Variants in RAB30 observed in about 807,000 individuals in gnomAD.
RAB30 encodes the protein ras-related protein Rab-30.
In RAB30, 9 loss-of-function variants were observed where a neutral mutation model predicts 25.1. The ratio of observed to expected loss-of-function variants is 0.36; its 90% CI spans 0.22 to 0.63. The LOEUF (loss-of-function observed/expected upper bound fraction) is 0.63. Ranked by LOEUF, RAB30 falls within the 20% of genes least tolerant of loss-of-function variation. The pLI is 0.69. For missense variants in RAB30, 140 were observed against 243.5 expected (o/e 0.58, Z 2.83); for synonymous variants, 77 against 86.4 (o/e 0.89, Z 0.60).
intron 1 of RAB30, among the ~76,000 whole-genome samples, chr11:83,048,466 C>G (rs1858281368): frequency 7.4e-6 from 1 of 135,382 alleles, no homozygotes; most frequent in Non-Finnish European, 1.5e-5. Flanking sequence ...GAGACACTGT[C>G]TCAAAAAAAA....
intron 1 of RAB30, among the ~76,000 whole-genome samples, chr11:83,058,803 A>G (rs1275876184): frequency 1.3e-5 from 2 of 152,260 alleles, no homozygotes; most frequent in African/African-American, 4.8e-5. Context: ...CCTGAGTCTC[A>G]GAGCAGTTAT....
Position 83,054,317 on chromosome 11 carries a change from C to T in RAB30, c.-9+17374G>A, listed in dbSNP as rs1249249963. On this transcript the variant is annotated intron_variant, in intron 1 of 4. Transcript: ENST00000527633. ...TCTCTTTTACGTCTCTTTCTTTAGC[C>T]TACAATCTCCTTATAGTCAAAAACA... Among the ~76,000 whole-genome samples the T allele has an allele frequency of 2.0e-5, 3 of 152,168 alleles. No homozygotes were observed. In the South Asian group the frequency reaches 6.2e-4, roughly 31 times the overall value.
At chr11:83,010,484 A>C (rs7928570) in intron 1 of RAB30, among the ~76,000 whole-genome samples, 41,279 of 152,088 alleles carry the variant, frequency 0.27, 6,041 homozygotes, top group Admixed American at 0.31. Context: ...GAAGGAAATA[A>C]ATTTTTAAAA....
chr11:83,062,803 C>A (rs1858612156), intron 1 of RAB30, among the ~76,000 whole-genome samples: 1 of 151,878 alleles, frequency 6.6e-6, no homozygotes, highest in African/African-American at 2.4e-5. Flanking sequence ...GAGTTTGAGA[C>A]CAGCCTGGCC....
rs1484036503 is a variant in RAB30 at position 83,058,576 on chromosome 11, G to A, written c.-9+13115C>T. ...AGATCAGGTTCTGTATCTTTGGCAG[G>A]AATGCCACACGAGTGATACTGTGAA... On this transcript the variant is annotated intron_variant, in intron 1 of 4. Coordinates refer to ENST00000527633, the MANE Select transcript of RAB30 (RefSeq NM_001286060.2). Among the ~76,000 whole-genome samples the A allele has an allele frequency of 4.6e-5, 7 of 152,334 alleles. No individual in the cohort carries two copies. The East Asian group carries it at 1.3e-3, about 29-fold the overall frequency.
At chr11:83,026,049 G>A (rs1483570718) in intron 1 of RAB30, among the ~76,000 whole-genome samples, 1 of 152,108 alleles carries the variant, frequency 6.6e-6, no homozygotes, top group Non-Finnish European at 1.5e-5. Flanking sequence ...AAATTAGCCA[G>A]ATGTGGTGGT....
At chr11:83,030,659 TG>T (rs1196265478) in intron 1 of RAB30, among the ~76,000 whole-genome samples, 1 of 152,090 alleles carries the variant, frequency 6.6e-6, no homozygotes, top group Non-Finnish European at 1.5e-5. Context: ...TAGCTAGGCA[TG>T]GTGGCACGCA....
chr11:82,982,010 G>A lies in RAB30; in HGVS notation c.*155C>T, dbSNP rs1856646592. On this transcript the variant is annotated 3_prime_UTR_variant, in exon 5 of 5. Transcript: ENST00000527633. ...TATGTTCTGCTAATGCTGGCCTGTG[G>A]TCGAGGCCCTTGGCCTGCCATGCTT... is the stretch of plus-strand genomic sequence containing the variant. 2.0e-6 allele frequency: 2 copies of A among 985,220 alleles called. No homozygotes were observed. The highest frequency in any genetic ancestry group is 3.2e-5 in the South Asian group (2 of 62,810). 61.0% of individuals were successfully genotyped at this position (985,220 alleles called of 1,614,324 possible).
chr11:82,987,908 A>AC (rs1856771059), intron 3 of RAB30, 138 bp from the exon 4 acceptor site: 1 of 151,658 alleles, frequency 6.6e-6, no homozygotes, highest in Non-Finnish European at 1.1e-5. Context: ...TCTGCCCTAA[A>AC]AAAAAAAAAA....
At chr11:83,002,279 A>G (rs1293807349) in intron 1 of RAB30, among the ~76,000 whole-genome samples, 1 of 152,166 alleles carries the variant, frequency 6.6e-6, no homozygotes, top group Non-Finnish European at 1.5e-5. Context: ...CTGACTTCAG[A>G]TTACACAAGC....
intron 1 of RAB30, among the ~76,000 whole-genome samples, chr11:82,999,433 A>C (rs1435403481): frequency 1.3e-5 from 2 of 152,228 alleles, no homozygotes; most frequent in Non-Finnish European, 2.9e-5. Flanking sequence ...CCCCATCAAC[A>C]AAATGGGGCC....
intron 1 of RAB30, among the ~76,000 whole-genome samples, chr11:83,011,594 G>C (rs928692886): frequency 2.0e-5 from 3 of 152,164 alleles, no homozygotes; most frequent in African/African-American, 7.2e-5. Flanking sequence ...GAATTAGAAA[G>C]GCATTTAACA....
At position 82,994,031 on chromosome 11, in the gene RAB30, C is replaced by G; in HGVS notation, c.177+8G>C. On this transcript the variant is annotated splice_region_variant and intron_variant, in intron 3 of 4. Coordinates refer to ENST00000527633, the MANE Select transcript of RAB30 (RefSeq NM_001286060.2). ...CCTGACAACCTTAGTGAATATTTAG[C>G]ACCTTACCTTTACTTTTTCACCATT... 6.3e-7 allele frequency: 1 copy of G among 1,585,678 alleles called. No individual in the cohort carries two copies. Among genetic ancestry groups the G allele is most frequent in the Non-Finnish European group, 8.7e-7 (1 of 1,154,444 alleles).
chr11:82,981,854 G>A lies in RAB30; in HGVS notation c.*311C>T, dbSNP rs111541233. 19 of 310,456 alleles carry A rather than the reference G, an allele frequency of 6.1e-5. No homozygotes were observed. Among genetic ancestry groups the A allele is most frequent in the South Asian group, 1.5e-4 (4 of 26,042 alleles). The allele number at this position is 310,456 out of a possible 1,614,324, so 19.2% of individuals were successfully genotyped here. A position where few individuals can be genotyped will look rare whatever the true frequency, so the allele number is the denominator to read the frequency against. On this transcript the variant is annotated 3_prime_UTR_variant, in exon 5 of 5. Transcript: ENST00000527633. Reference sequence around the variant, plus strand: ...GGATCCCTACAGTACATTTCCCCCCGGACTCTGTTTAGGAATGCGCTTTTA... The same window carrying A: ...GGATCCCTACAGTACATTTCCCCCCAGACTCTGTTTAGGAATGCGCTTTTA...
rs897242238 is a variant in RAB30 at position 82,979,040 on chromosome 11, T to G, written c.*3125A>C. 2.6e-5 allele frequency: 4 copies of G among 152,032 alleles called. No individual in the cohort carries two copies. Among genetic ancestry groups the G allele is most frequent in the African/African-American group, 9.7e-5 (4 of 41,414 alleles). 9.4% of individuals were successfully genotyped at this position (152,032 alleles called of 1,614,324 possible). ...CTAAGTAATCCATCAAAAAAGATAA[T>G]TGGCCCTGTAAATTCAAAAAATATT... On this transcript the variant is annotated 3_prime_UTR_variant, in exon 5 of 5. Coordinates refer to ENST00000527633, the MANE Select transcript of RAB30 (RefSeq NM_001286060.2).
chr11:82,991,426 G>A (rs1205451764), intron 3 of RAB30, among the ~76,000 whole-genome samples: 1 of 148,022 alleles, frequency 6.8e-6, no homozygotes, highest in Non-Finnish European at 1.5e-5. Context: ...AGGATCACTT[G>A]AGCCTAGGAG....
chr11:83,031,665 T>G (rs1337201985), intron 1 of RAB30, among the ~76,000 whole-genome samples: 1 of 152,048 alleles, frequency 6.6e-6, no homozygotes, highest in Non-Finnish European at 1.5e-5. Flanking sequence ...GTAGCTGGGA[T>G]TATAGGCATG....
chr11:83,032,357 C>T (rs984433797), intron 1 of RAB30, among the ~76,000 whole-genome samples: 9 of 152,118 alleles, frequency 5.9e-5, no homozygotes, highest in East Asian at 1.9e-4. Context: ...AGTAAGAGAA[C>T]GATGAACACA....
Position 82,978,993 on chromosome 11 carries a change from C to CA in RAB30, c.*3171dup, listed in dbSNP as rs1856594520. On this transcript the variant is annotated 3_prime_UTR_variant, in exon 5 of 5. Coordinates refer to ENST00000527633, the MANE Select transcript of RAB30 (RefSeq NM_001286060.2). ...TTAAAAGACCGAGAAAAAGAAAGGC[C>CA]AGGAAGAACCCATGGCCTAATCTAA... The CA allele has an allele frequency of 6.6e-6, 1 of 151,948 alleles. No homozygotes were observed. The highest frequency in any genetic ancestry group is 1.5e-5 in the Non-Finnish European group (1 of 67,952). 9.4% of individuals were successfully genotyped at this position (151,948 alleles called of 1,614,324 possible).
Sources: gnomAD v4.1 joint callset for allele counts (sites outside exome capture counted in the v4.1 genomes callset) on GRCh38, gnomAD v4.1.1 for gene constraint, MANE v1.5 for transcripts, NCBI Gene and HGNC (gene_info 2026-07-23, HGNC 2026-07-21) for gene names.